LPAR1: variants seen among roughly 807,000 people sequenced by gnomAD.
LPAR1 encodes the protein lysophosphatidic acid receptor 1, also known as LPA receptor 1.
In LPAR1, 5 loss-of-function variants were observed where a neutral mutation model predicts 23.8. The observed-to-expected ratio is 0.21, with a 90% CI of 0.11 to 0.44. The LOEUF is 0.44. LPAR1 is among the 20% of genes least tolerant of loss of function. The pLI is 0.99. For synonymous variants in LPAR1, 160 were observed against 164.7 expected (o/e 0.97, Z 0.22); for missense variants, 311 against 482.8 (o/e 0.64, Z 3.33).
At chr9:110,902,099 C>A (rs1243041727) in intron 5 of LPAR1, among the ~76,000 whole-genome samples, 2 of 152,042 alleles carry the variant, frequency 1.3e-5, no homozygotes, top group Non-Finnish European at 2.9e-5. Context: ...CAGTGTCTTA[C>A]AACCCACAAC....
At position 110,941,783 on chromosome 9, in the gene LPAR1, A is replaced by G. The variant is rs1344975973; in HGVS notation, c.431T>C (p.Ile144Thr). ...GCGGAAAACCGTAATGTGCCTCTCGATTGCAATAGCCAGTAAGTTGGCCAC... is the reference window on the plus strand; with the variant it reads ...GCGGAAAACCGTAATGTGCCTCTCGGTTGCAATAGCCAGTAAGTTGGCCAC... ...ASVANLLAIA[I>T]ERHITVFRMQ... The change falls in exon 5 of 6, where the codon ATC becomes ACC. Residue 144 changes from isoleucine (I) to threonine (T), a missense_variant. Physicochemically the swap from Ile to Thr is moderately conservative, Grantham distance 89. Transcript: ENST00000683809. This position sits in a 1 kb window ranked among gnomAD's most constrained non-coding sequence, Gnocchi z 6.1. 6.2e-7 allele frequency: 1 copy of G among 1,614,022 alleles called. No homozygotes were observed. The highest frequency in any genetic ancestry group is 8.5e-7 in the Non-Finnish European group (1 of 1,180,024).
At chr9:110,986,451 T>C (rs1006653073) in intron 2 of LPAR1, among the ~76,000 whole-genome samples, 2 of 152,124 alleles carry the variant, frequency 1.3e-5, no homozygotes, top group African/African-American at 2.4e-5. Context: ...ATGCCTGTAA[T>C]TCCAGCACTT....
chr9:110,935,939 G>A (rs1270159033), intron 5 of LPAR1, among the ~76,000 whole-genome samples: 1 of 152,172 alleles, frequency 6.6e-6, no homozygotes, highest in Non-Finnish European at 1.5e-5. Flanking sequence ...CCTACTAGGT[G>A]CTAATCACAC....
intron 2 of LPAR1, among the ~76,000 whole-genome samples, chr9:110,985,674 T>C (rs867979443): frequency 6.6e-6 from 1 of 152,086 alleles, no homozygotes; most frequent in African/African-American, 2.4e-5. Context: ...ACTTTAGAAG[T>C]GGTCCTGATG....
chr9:110,988,012 C>T (rs1264172711), intron 2 of LPAR1, among the ~76,000 whole-genome samples: 1 of 151,602 alleles, frequency 6.6e-6, no homozygotes, highest in Non-Finnish European at 1.5e-5. Flanking sequence ...TAGAGAGGAA[C>T]AAGGATAAGA....
chr9:110,951,606 T>C (rs145391622), intron 4 of LPAR1, among the ~76,000 whole-genome samples: 255 of 152,180 alleles, frequency 1.7e-3, no homozygotes, highest in African/African-American at 5.8e-3. Flanking sequence ...TTCCATCAGG[T>C]TGGCAAAAAT....
chr9:110,955,607 A>G (rs532350398), intron 4 of LPAR1, among the ~76,000 whole-genome samples: 1 of 152,176 alleles, frequency 6.6e-6, no homozygotes, highest in Non-Finnish European at 1.5e-5. Flanking sequence ...CTGCTATAGA[A>G]TATACATTCT....
intron 4 of LPAR1, among the ~76,000 whole-genome samples, chr9:110,943,580 C>T (rs2095255940): frequency 6.6e-6 from 1 of 152,018 alleles, no homozygotes; most frequent in Admixed American, 6.6e-5. Flanking sequence ...GATCACAGTC[C>T]AGGGCACAGT....
intron 2 of LPAR1, among the ~76,000 whole-genome samples, chr9:111,002,196 T>A (rs901816772): frequency 1.3e-5 from 2 of 152,198 alleles, no homozygotes; most frequent in Non-Finnish European, 2.9e-5. Context: ...AGCTGATTAA[T>A]AACAACTACG....
At chr9:111,002,571 G>A (rs925225204) in intron 2 of LPAR1, among the ~76,000 whole-genome samples, 1 of 152,174 alleles carries the variant, frequency 6.6e-6, no homozygotes, top group African/African-American at 2.4e-5. Flanking sequence ...TAGAAAAAGT[G>A]TCCCAGAATG....
chr9:110,933,823 T>C (rs1459441323), intron 5 of LPAR1, among the ~76,000 whole-genome samples: 1 of 152,236 alleles, frequency 6.6e-6, no homozygotes, highest in Non-Finnish European at 1.5e-5. Context: ...CTGTCCACAC[T>C]TCAAAAGGAA....
At chr9:110,883,366 A>T (rs1230529485) in intron 5 of LPAR1, among the ~76,000 whole-genome samples, 3 of 152,180 alleles carry the variant, frequency 2.0e-5, no homozygotes, top group African/African-American at 7.2e-5. Flanking sequence ...GTACGTTTTT[A>T]AAATTTAAAG....
At chr9:110,902,561 A>T (rs1195844769) in intron 5 of LPAR1, among the ~76,000 whole-genome samples, 3 of 151,828 alleles carry the variant, frequency 2.0e-5, no homozygotes, top group Non-Finnish European at 4.4e-5. Context: ...AGTCAATTAA[A>T]CCTCTTTCCT....
chr9:110,982,180 G>T (rs1415817891), intron 2 of LPAR1, among the ~76,000 whole-genome samples: 1 of 152,130 alleles, frequency 6.6e-6, no homozygotes, highest in African/African-American at 2.4e-5. Context: ...ACACACATAT[G>T]TTTACTGCAG....
chr9:110,986,698 G>A (rs1312874265), intron 2 of LPAR1, among the ~76,000 whole-genome samples: 2 of 151,522 alleles, frequency 1.3e-5, no homozygotes, highest in African/African-American at 2.4e-5. Context: ...ACAAAGTGTC[G>A]AAATAGCTAG....
chr9:111,008,926 T>C (rs1588837347), intron 2 of LPAR1, among the ~76,000 whole-genome samples: 1 of 152,140 alleles, frequency 6.6e-6, no homozygotes. Context: ...CCTAGAAACA[T>C]GAGCTTACAT....
intron 2 of LPAR1, among the ~76,000 whole-genome samples, chr9:111,030,731 T>C (rs942363272): frequency 3.3e-5 from 5 of 152,216 alleles, no homozygotes; most frequent in African/African-American, 1.2e-4. Context: ...CCGTTTACAA[T>C]AGCCAGACAT....
At chr9:110,971,958 T>C in intron 4 of LPAR1, 115 bp downstream of exon 4, 1 of 879,624 alleles carries the variant, frequency 1.1e-6, no homozygotes, top group Non-Finnish European at 1.9e-6. Flanking sequence ...ACACACCAAA[T>C]GATAGCGAGA....
At chr9:111,017,643 C>A (rs1027752181) in intron 2 of LPAR1, among the ~76,000 whole-genome samples, 2 of 152,168 alleles carry the variant, frequency 1.3e-5, no homozygotes, top group African/African-American at 2.4e-5. Context: ...GCACTTGCTC[C>A]ATTTTCTAGT....
Sources: gnomAD v4.1 joint callset for allele counts (sites outside exome capture counted in the v4.1 genomes callset) on GRCh38, gnomAD v4.1.1 for gene constraint, Gnocchi (gnomAD v3.1) non-coding constraint, MANE v1.5 for transcripts, NCBI Gene and HGNC (gene_info 2026-07-23, HGNC 2026-07-21) for gene names.